CD2AP: variants seen among roughly 807,000 people sequenced by gnomAD.
CD2AP encodes CD2 associated protein.
In CD2AP, 46 loss-of-function variants were observed where a neutral mutation model predicts 85.1. The ratio of observed to expected loss-of-function variants is 0.54; its 90% CI spans 0.43 to 0.69. CD2AP has a LOEUF of 0.69. Among genes scored for constraint, CD2AP ranks in the 30% least tolerant of loss-of-function variants. CD2AP has a pLI of 0.00. For missense variants in CD2AP, 769 were observed against 729.5 expected, an observed-to-expected ratio of 1.05 and a Z score of -0.62; for synonymous variants, 255 against 252.9, an observed-to-expected ratio of 1.01 and a Z score of -0.08.
rs1768493638 is a variant in CD2AP, at chr6:47,581,985, T to A, written c.1046-18T>A. 1 of 1,542,176 alleles carries A rather than the reference T, an allele frequency of 6.5e-7. No homozygotes were observed. The highest frequency in any genetic ancestry group is 9.0e-7 in the Non-Finnish European group (1 of 1,114,746). On this transcript the variant is annotated intron_variant, in intron 10 of 17. Coordinates refer to ENST00000359314, the MANE Select transcript of CD2AP (RefSeq NM_012120.3). ...TAAAACTGTCTTCTTAAAAAAGTATTAATGTTTTTTCCCATAGCTCCAAAG... is the reference window on the plus strand; with the variant it reads ...TAAAACTGTCTTCTTAAAAAAGTATAAATGTTTTTTCCCATAGCTCCAAAG...
Position 47,554,538 on chromosome 6 carries a change from A to G in CD2AP, c.421-108A>G, listed in dbSNP as rs570411341. 3,974 of 1,051,326 alleles carry G rather than the reference A, an allele frequency of 3.8e-3. 18 individuals are homozygous for G. The highest frequency in any genetic ancestry group is 4.8e-3 in the Non-Finnish European group (3,272 of 688,042). The allele number at this position is 1,051,326 out of a possible 1,614,324, so 65.1% of individuals were successfully genotyped here. A position where few individuals can be genotyped will look rare whatever the true frequency, so the allele number is the denominator to read the frequency against. ...TTTTAAATTTTAAAGGGTTTATTTC[A>G]TAGTGCTAATTTTGTGCCTGTTTGC... On this transcript the variant is annotated intron_variant, in intron 4 of 17. Coordinates refer to ENST00000359314, the MANE Select transcript of CD2AP (RefSeq NM_012120.3).
At chr6:47,532,403 AC>A in intron 2 of CD2AP, among the ~76,000 whole-genome samples, 1 of 148,826 alleles carries the variant, frequency 6.7e-6, no homozygotes, top group African/African-American at 2.4e-5. Context: ...ACACACACAC[AC>A]ACACACACAC....
intron 3 of CD2AP, among the ~76,000 whole-genome samples, chr6:47,541,055 G>A (rs1767200653): frequency 6.6e-6 from 1 of 152,210 alleles, no homozygotes; most frequent in Non-Finnish European, 1.5e-5. Flanking sequence ...GGTGAAAGGT[G>A]AAATGTGAAA....
chr6:47,574,732 T>A (rs1241849769), intron 6 of CD2AP, among the ~76,000 whole-genome samples: 2 of 151,976 alleles, frequency 1.3e-5, no homozygotes, highest in Admixed American at 6.6e-5. Flanking sequence ...TTACTAAACT[T>A]CTTTGAATGT....
intron 5 of CD2AP, chr6:47,562,665 C>T: frequency 1.8e-6 from 1 of 556,462 alleles, no homozygotes; most frequent in Non-Finnish European, 3.4e-6. Flanking sequence ...GTTAATACTG[C>T]CACTGCTTTA....
intron 11 of CD2AP, among the ~76,000 whole-genome samples, chr6:47,588,943 T>A (rs1418373491): frequency 6.6e-6 from 1 of 152,158 alleles, no homozygotes; most frequent in Admixed American, 6.5e-5. Flanking sequence ...ACTGATTGTC[T>A]CAGTGTAATC....
chr6:47,502,745 G>A (rs113074998), intron 1 of CD2AP, among the ~76,000 whole-genome samples: 2,365 of 152,016 alleles, frequency 0.016, 42 homozygotes, highest in African/African-American at 0.038. Context: ...GCCTGCCTTG[G>A]CCTCCCAAAG....
At chr6:47,486,985 G>A (rs1344225000) in intron 1 of CD2AP, among the ~76,000 whole-genome samples, 7 of 152,038 alleles carry the variant, frequency 4.6e-5, no homozygotes, top group Non-Finnish European at 8.8e-5. Context: ...ACAACTTTTG[G>A]TTTATTTAGA....
intron 11 of CD2AP, among the ~76,000 whole-genome samples, chr6:47,587,646 A>G (rs1768667629): frequency 1.3e-5 from 2 of 152,138 alleles, no homozygotes; most frequent in South Asian, 4.1e-4. Flanking sequence ...GATACTCATC[A>G]TGTCATTGGT....
intron 1 of CD2AP, among the ~76,000 whole-genome samples, chr6:47,498,600 T>G (rs1765927002): frequency 6.6e-6 from 1 of 152,182 alleles, no homozygotes; most frequent in African/African-American, 2.4e-5. Context: ...GTGCCTTTGT[T>G]TTACCTGTTT....
intron 11 of CD2AP, among the ~76,000 whole-genome samples, chr6:47,594,408 A>G (rs1768881952): frequency 1.3e-5 from 2 of 151,982 alleles, no homozygotes; most frequent in African/African-American, 4.8e-5. Flanking sequence ...TATTTTTGTT[A>G]CCTTTTGATT....
chr6:47,500,524 G>A (rs935245287), intron 1 of CD2AP, among the ~76,000 whole-genome samples: 3 of 152,084 alleles, frequency 2.0e-5, no homozygotes, highest in South Asian at 2.1e-4. Flanking sequence ...TTACTTAAAC[G>A]TTAAGAAACT....
chr6:47,599,349 A>G lies in CD2AP; in HGVS notation c.1323A>G (p.Pro441=). Residue 441 remains proline, a synonymous_variant, in exon 13 of 18, where the codon CCA becomes CCG. Transcript: ENST00000359314. ...TTTCATCAAAATTTGAAACTGAGCCAGTATCAAAACTAAAGCTAGATTCTG... is the reference window on the plus strand; with the variant it reads ...TTTCATCAAAATTTGAAACTGAGCCGGTATCAAAACTAAAGCTAGATTCTG... ...SSISSKFETE[P]VSKLKLDSEQ... 6.2e-7 allele frequency: 1 copy of G among 1,612,048 alleles called. No homozygotes were observed. Among genetic ancestry groups the G allele is most frequent in the Non-Finnish European group, 8.5e-7 (1 of 1,178,588 alleles).
At chr6:47,489,787 A>C (rs911950975) in intron 1 of CD2AP, among the ~76,000 whole-genome samples, 3 of 151,846 alleles carry the variant, frequency 2.0e-5, no homozygotes, top group Non-Finnish European at 4.4e-5. Context: ...TCATTTTAAA[A>C]CTCGTCCTCT....
intron 16 of CD2AP, among the ~76,000 whole-genome samples, chr6:47,610,774 C>G (rs1161918275): frequency 2.6e-5 from 4 of 151,276 alleles, no homozygotes; most frequent in African/African-American, 9.7e-5. Context: ...ACATTATAAG[C>G]TGTAAGTTTA....
Position 47,477,818 on chromosome 6 carries a change from G to A in CD2AP, c.-427G>A. On this transcript the variant is annotated 5_prime_UTR_variant, in exon 1 of 18. In the 5' UTR this introduces an upstream ATG that the reference lacks. Coordinates refer to ENST00000359314, the MANE Select transcript of CD2AP (RefSeq NM_012120.3). ...GTCTGGGTCCCCACCTTAGTCTACG[G>A]TGTCGCCTTTTCTAACTGCGAGTGC... The A allele has an allele frequency of 4.4e-6, 1 of 229,194 alleles. No homozygotes were observed. Among genetic ancestry groups the A allele is most frequent in the East Asian group, 1.3e-4 (1 of 7,708 alleles). The allele number at this position is 229,194 out of a possible 1,614,324, so 14.2% of individuals were successfully genotyped here.
intron 5 of CD2AP, among the ~76,000 whole-genome samples, chr6:47,573,360 T>A (rs1169407541): frequency 1.3e-5 from 2 of 152,166 alleles, no homozygotes; most frequent in African/African-American, 2.4e-5. Context: ...AGTTTTATAT[T>A]GAGAAACTCA....
Position 47,533,600 on chromosome 6 carries a change from A to G in CD2AP, c.166-2A>G. ...CCTCTTTATTTATTTTCCCTTTTGT[A>G]GGAAATTAAAAGAGAGACGGAATTC... On this transcript the variant is annotated splice_acceptor_variant, in intron 2 of 17. Transcript: ENST00000359314. LOFTEE classifies it high-confidence loss of function. 1 of 1,613,250 alleles carries G rather than the reference A, an allele frequency of 6.2e-7. No homozygotes were observed. The highest frequency in any genetic ancestry group is 1.1e-5 in the South Asian group (1 of 90,914).
chr6:47,490,588 G>A (rs1765708760), intron 1 of CD2AP, among the ~76,000 whole-genome samples: 1 of 152,118 alleles, frequency 6.6e-6, no homozygotes, highest in Non-Finnish European at 1.5e-5. Context: ...TTAATCACAT[G>A]TACGTGGTAA....
Sources: gnomAD v4.1 joint callset for allele counts (sites outside exome capture counted in the v4.1 genomes callset) on GRCh38, gnomAD v4.1.1 for gene constraint, MANE v1.5 for transcripts, NCBI Gene and HGNC (gene_info 2026-07-23, HGNC 2026-07-21) for gene names.